Variants in CELSR1 observed in about 807,000 individuals in gnomAD.
The protein encoded by CELSR1 is adhesion G protein-coupled receptor C1.
In CELSR1, 110 loss-of-function variants were observed where a neutral mutation model predicts 249.1. The ratio of observed to expected loss-of-function variants is 0.44; its 90% CI spans 0.38 to 0.52. The LOEUF is 0.52. CELSR1 is among the 20% of genes least tolerant of loss of function. The pLI, the probability that CELSR1 is intolerant of heterozygous loss-of-function variation, is 0.00. For missense variants in CELSR1, 4,109 were observed against 4,296.4 expected (o/e 0.96, Z 1.22); for synonymous variants, 2,113 against 1,900.0 (o/e 1.11, Z -2.92).
At chr22:46,492,339 T>C (rs960283066) in intron 1 of CELSR1, among the ~76,000 whole-genome samples, 2 of 152,254 alleles carry the variant, frequency 1.3e-5, no homozygotes, top group East Asian at 1.9e-4. Context: ...TTCTTATCTA[T>C]GTACACTAAC....
rs1602028939 is a variant in CELSR1 at position 46,369,795 on chromosome 22, A to G, written c.7769T>C (p.Val2590Ala). 1.2e-6 allele frequency: 2 copies of G among 1,612,878 alleles called. No individual in the cohort carries two copies. The highest frequency in any genetic ancestry group is 2.2e-5 in the East Asian group (1 of 44,878). ...GIPAIVTGLAVGLDPQGYGNP... is the reference protein window; with the variant it reads ...GIPAIVTGLAAGLDPQGYGNP... Reference sequence around the variant, plus strand: ...CCCGTAGCCCTGGGGGTCCAGGCCGACCGCCAGTCCTGAACACAGCGGGGA... The same window carrying G: ...CCCGTAGCCCTGGGGGTCCAGGCCGGCCGCCAGTCCTGAACACAGCGGGGA... Residue 2590 changes from valine (V) to alanine (A), a missense_variant, in exon 26 of 35, where the codon GTC becomes GCC. Val to Ala is a moderately conservative substitution (Grantham distance 64). This residue lies in a region of CELSR1 where 1,805 missense variants were observed against 1,831.6 expected (regional missense o/e 0.99). Coordinates refer to ENST00000674500, the MANE Select transcript of CELSR1 (RefSeq NM_001378328.1).
At chr22:46,369,405 T>C in intron 26 of CELSR1, 147 bp from the exon 27 acceptor site, 1 of 697,386 alleles carries the variant, frequency 1.4e-6, no homozygotes, top group Non-Finnish European at 2.4e-6. Flanking sequence ...GAAGCACACC[T>C]GTCCACCCAC....
chr22:46,391,385 C>G lies in CELSR1; in HGVS notation c.6149-98G>C. 2 of 1,115,934 alleles carry G rather than the reference C, an allele frequency of 1.8e-6. No individual in the cohort carries two copies. Among genetic ancestry groups the G allele is most frequent in the South Asian group, 2.9e-5 (2 of 69,272 alleles). 69.1% of individuals were successfully genotyped at this position (1,115,934 alleles called of 1,614,324 possible). On this transcript the variant is annotated intron_variant, in intron 15 of 34. Transcript: ENST00000674500. The surrounding 1 kb of genome is among the most constrained non-coding windows in gnomAD (Gnocchi z 4.3). ...TGCATGCGCCTCCCTGCAGGAGGCCCTGCTCCCACCAAGAACCGAACCCTA... is the reference window on the plus strand; with the variant it reads ...TGCATGCGCCTCCCTGCAGGAGGCCGTGCTCCCACCAAGAACCGAACCCTA...
In CELSR1 at chr22:46,411,059, C is replaced by T. The variant is rs781438756; in HGVS notation, c.4770-498G>A. Among the ~76,000 whole-genome samples, 4 of 152,010 alleles carry T rather than the reference C, an allele frequency of 2.6e-5. No individual in the cohort carries two copies. The highest frequency in any genetic ancestry group is 2.1e-4 in the South Asian group (1 of 4,802). On this transcript the variant is annotated intron_variant, in intron 6 of 34. Coordinates refer to ENST00000674500, the MANE Select transcript of CELSR1 (RefSeq NM_001378328.1). The surrounding 1 kb of genome is among the most constrained non-coding windows in gnomAD (Gnocchi z 4.2). ...ACTAAAAATACAAAAATTAGCTGGG[C>T]GTGGTGGTGCATGCCTGTAGTCCCA...
At chr22:46,397,234 G>A (rs530684482) in intron 12 of CELSR1, among the ~76,000 whole-genome samples, 1 of 150,070 alleles carries the variant, frequency 6.7e-6, no homozygotes, top group South Asian at 2.1e-4. Flanking sequence ...CTCCCACGTA[G>A]CTAGGACTAC....
Position 46,517,398 on chromosome 22 carries a change from C to G in CELSR1, c.3544+16229G>C, listed in dbSNP as rs1191697386. Reference sequence around the variant, plus strand: ...ACCGGTTTCCTGCCTACGGGGTCATCCCGGCCTGGTTTTCCCCCAAAACAG... The same window carrying G: ...ACCGGTTTCCTGCCTACGGGGTCATGCCGGCCTGGTTTTCCCCCAAAACAG... On this transcript the variant is annotated intron_variant, in intron 1 of 34. Coordinates refer to ENST00000674500, the MANE Select transcript of CELSR1 (RefSeq NM_001378328.1). This position sits in a 1 kb window ranked among gnomAD's most constrained non-coding sequence, Gnocchi z 5.4. 3.3e-5 allele frequency among the ~76,000 whole-genome samples: 5 copies of G among 152,362 alleles called. No homozygotes were observed. In the East Asian group the frequency reaches 9.7e-4, roughly 29 times the overall value.
At position 46,463,842 on chromosome 22, in the gene CELSR1, G is replaced by C; in HGVS notation, c.4048C>G (p.Arg1350Gly). The C allele has an allele frequency of 6.2e-7, 1 of 1,611,850 alleles. No homozygotes were observed. Among genetic ancestry groups the C allele is most frequent in the Non-Finnish European group, 8.5e-7 (1 of 1,179,040 alleles). ...TCGCCGGTGAAGCCGGGCGGGCAGC[G>C]GCAGCGCAGGCCGTTGATGGGGTGG... ...PIHPINGLRCRCPPGFTGDYC... is the reference protein window; with the variant it reads ...PIHPINGLRCGCPPGFTGDYC... Residue 1350 changes from arginine (R) to glycine (G), a missense_variant, in exon 2 of 35, where the codon CGC becomes GGC. Arg to Gly is a moderately radical substitution (Grantham distance 125). Transcript: ENST00000674500.
rs1206768646 is a variant in CELSR1 at position 46,393,933 on chromosome 22, A to G, written c.5964+209T>C. Among the ~76,000 whole-genome samples the G allele has an allele frequency of 6.6e-6, 1 of 152,226 alleles. No homozygotes were observed. The highest frequency in any genetic ancestry group is 2.4e-5 in the African/African-American group (1 of 41,456). On this transcript the variant is annotated intron_variant, in intron 14 of 34. Transcript: ENST00000674500. This position sits in a 1 kb window ranked among gnomAD's most constrained non-coding sequence, Gnocchi z 4.1. Reference sequence around the variant, plus strand: ...AACCCGTAGTTTACACGTGGAAAGCAGCCATGGAGTATTCACAGAGCACGG... The same window carrying G: ...AACCCGTAGTTTACACGTGGAAAGCGGCCATGGAGTATTCACAGAGCACGG...
rs148992230 is a variant in CELSR1, at chr22:46,536,456, C to T, written c.715G>A (p.Gly239Ser). Residue 239 changes from glycine to serine, a missense_variant, in exon 1 of 35, where the codon GGC becomes AGC. Physicochemically the swap from Gly to Ser is moderately conservative, Grantham distance 56. Transcript: ENST00000674500. ...ATCGGAAACTTCAGGCTCCCTCTGC[C>T]GCTCGTGCCCCGCCGGGCCCGTCGC... is the stretch of plus-strand genomic sequence containing the variant. ...PARRARRGTS[G>S]RGSLKFPMPN... The T allele has an allele frequency of 5.6e-6, 9 of 1,609,926 alleles. No individual in the cohort carries two copies. Among genetic ancestry groups the T allele is most frequent in the Non-Finnish European group, 7.6e-6 (9 of 1,178,744 alleles).
intron 1 of CELSR1, among the ~76,000 whole-genome samples, chr22:46,507,784 A>C (rs922167902): frequency 1.3e-5 from 2 of 152,174 alleles, no homozygotes; most frequent in African/African-American, 2.4e-5. Context: ...ACTACAGGTG[A>C]GCACTGTGAA....
chr22:46,520,891 C>G (rs975260270), intron 1 of CELSR1, among the ~76,000 whole-genome samples: 1 of 152,110 alleles, frequency 6.6e-6, no homozygotes, highest in Admixed American at 6.5e-5. Flanking sequence ...AACTCCTGTC[C>G]CCTCCCCACC....
In CELSR1 at chr22:46,447,590, C is replaced by T. The variant is rs956921006; in HGVS notation, c.4184-8179G>A. Among the ~76,000 whole-genome samples, 6 of 152,168 alleles carry T rather than the reference C, an allele frequency of 3.9e-5. No homozygotes were observed. Among genetic ancestry groups the T allele is most frequent in the African/African-American group, 7.2e-5 (3 of 41,444 alleles). ...GCCTGCCAAAAGCTCCCCCTCTCCCCGTAGGAGGGACGCAGGGCTCAGCTT... is the reference window on the plus strand; with the variant it reads ...GCCTGCCAAAAGCTCCCCCTCTCCCTGTAGGAGGGACGCAGGGCTCAGCTT... On this transcript the variant is annotated intron_variant, in intron 2 of 34. Coordinates refer to ENST00000674500, the MANE Select transcript of CELSR1 (RefSeq NM_001378328.1). This position sits in a 1 kb window ranked among gnomAD's most constrained non-coding sequence, Gnocchi z 4.7.
At chr22:46,531,848 C>T (rs1365734027) in intron 1 of CELSR1, among the ~76,000 whole-genome samples, 1 of 152,050 alleles carries the variant, frequency 6.6e-6, no homozygotes, top group Admixed American at 6.6e-5. Context: ...TGTGTTGGGG[C>T]GGTGGTGGTC....
intron 22 of CELSR1, among the ~76,000 whole-genome samples, chr22:46,379,966 A>C (rs1011002531): frequency 6.8e-4 from 103 of 152,174 alleles, no homozygotes; most frequent in African/African-American, 2.2e-3. Context: ...GAGACAGCAA[A>C]AGTGAAAACC....
rs1200686855 is a variant in CELSR1 at position 46,517,335 on chromosome 22, C to T, written c.3544+16292G>A. 1.3e-5 allele frequency among the ~76,000 whole-genome samples: 2 copies of T among 152,218 alleles called. No individual in the cohort carries two copies. Among genetic ancestry groups the T allele is most frequent in the Admixed American group, 6.5e-5 (1 of 15,288 alleles). ...CACAAATGCAATGGGTTTCCCGGGC[C>T]AAACCGGAGACTTGGACGGCCGTCC... On this transcript the variant is annotated intron_variant, in intron 1 of 34. Coordinates refer to ENST00000674500, the MANE Select transcript of CELSR1 (RefSeq NM_001378328.1). This position sits in a 1 kb window ranked among gnomAD's most constrained non-coding sequence, Gnocchi z 5.4.
At position 46,393,136 on chromosome 22, in the gene CELSR1, G is replaced by A. The variant is rs1384677197; in HGVS notation, c.5964+1006C>T. On this transcript the variant is annotated intron_variant, in intron 14 of 34. Coordinates refer to ENST00000674500, the MANE Select transcript of CELSR1 (RefSeq NM_001378328.1). The surrounding 1 kb of genome is among the most constrained non-coding windows in gnomAD (Gnocchi z 4.1). ...CCTCCTAGGGCCAGCCGCATCTGCA[G>A]GAAGCTCACGTCCCTCGCCCAGGCT... Among the ~76,000 whole-genome samples the A allele has an allele frequency of 6.6e-6, 1 of 152,174 alleles. No homozygotes were observed. The highest frequency in any genetic ancestry group is 2.4e-5 in the African/African-American group (1 of 41,458).
In CELSR1 at chr22:46,490,692, G is replaced by A. The variant is rs756809209; in HGVS notation, c.3545-26347C>T. 3.3e-5 allele frequency among the ~76,000 whole-genome samples: 5 copies of A among 152,108 alleles called. No individual in the cohort carries two copies. The highest frequency in any genetic ancestry group is 6.6e-5 in the Admixed American group (1 of 15,264). ...AGACTCAGGAAAGTGGTGGGTGTGC[G>A]GGGACACTTTAAAATACCAGAAAAA... On this transcript the variant is annotated intron_variant, in intron 1 of 34. Transcript: ENST00000674500. This position sits in a 1 kb window ranked among gnomAD's most constrained non-coding sequence, Gnocchi z 5.2.
intron 1 of CELSR1, among the ~76,000 whole-genome samples, chr22:46,502,374 G>A (rs1017742892): frequency 7.5e-6 from 1 of 133,528 alleles, no homozygotes; most frequent in South Asian, 2.7e-4. Flanking sequence ...GAGGAAAGGG[G>A]AAAGGGGAGG....
rs1399373439 is a variant in CELSR1, at chr22:46,448,168, G to A, written c.4184-8757C>T. Among the ~76,000 whole-genome samples the A allele has an allele frequency of 6.6e-6, 1 of 152,230 alleles. No homozygotes were observed. Among genetic ancestry groups the A allele is most frequent in the East Asian group, 1.9e-4 (1 of 5,196 alleles). On this transcript the variant is annotated intron_variant, in intron 2 of 34. Transcript: ENST00000674500. This position sits in a 1 kb window ranked among gnomAD's most constrained non-coding sequence, Gnocchi z 5.7. ...TACCTGCTGCAGGCGGGGGCTGGGT[G>A]CTGGGTGTGCTCCTGGTCTGTGAAC...
Sources: allele counts gnomAD v4.1 joint callset (sites outside exome capture counted in the v4.1 genomes callset), GRCh38; gene constraint gnomAD v4.1.1; regional missense constraint gnomAD v4.1.1; non-coding constraint Gnocchi (gnomAD v3.1); transcripts MANE v1.5; gene names NCBI Gene and HGNC (gene_info 2026-07-23, HGNC 2026-07-21).